Variants in ADAMTS18 observed in about 807,000 individuals in gnomAD.
ADAMTS18 encodes the protein A disintegrin and metalloproteinase with thrombospondin motifs 18.
Under a neutral mutation model 165.9 loss-of-function variants are expected in ADAMTS18, and 157 were observed. The observed-to-expected ratio is 0.95, with a 90% CI of 0.83 to 1.08. The LOEUF is 1.08. Among genes scored for constraint, ADAMTS18 ranks in the 50% least tolerant of loss-of-function variants. The pLI is 0.00. For synonymous variants in ADAMTS18, 782 were observed against 578.2 expected (o/e 1.35, Z -5.06); for missense variants, 2,040 against 1,534.0 (o/e 1.33, Z -5.51).
intron 3 of ADAMTS18, among the ~76,000 whole-genome samples, chr16:77,405,342 C>A (rs2057380615): frequency 6.6e-6 from 1 of 152,160 alleles, no homozygotes; most frequent in Admixed American, 6.5e-5. Context: ...GAACAGCTTG[C>A]AATGTCCAAT....
chr16:77,288,626 T>G (rs1468148452), intron 22 of ADAMTS18, among the ~76,000 whole-genome samples: 2 of 152,222 alleles, frequency 1.3e-5, no homozygotes, highest in African/African-American at 4.8e-5. Context: ...CTATTACTTT[T>G]GATTTCTGAA....
Position 77,291,261 on chromosome 16 carries a change from C to T in ADAMTS18, c.3402+5G>A, listed in dbSNP as rs775163532. On this transcript the variant is annotated splice_donor_5th_base_variant and intron_variant, in intron 21 of 22. Transcript: ENST00000282849. Reference sequence around the variant, plus strand: ...TAGACACCTCCTCAATCGGCCTGTACCCACCTGCTGCCACGGCAATGAATA... The same window carrying T: ...TAGACACCTCCTCAATCGGCCTGTATCCACCTGCTGCCACGGCAATGAATA... 6.2e-7 allele frequency: 1 copy of T among 1,613,862 alleles called. No homozygotes were observed. The highest frequency in any genetic ancestry group is 1.7e-5 in the Admixed American group (1 of 60,034).
chr16:77,424,169 C>T (rs368916399), intron 3 of ADAMTS18, among the ~76,000 whole-genome samples: 1 of 150,812 alleles, frequency 6.6e-6, no homozygotes, highest in East Asian at 1.9e-4. Context: ...TGGTCATACC[C>T]GAAAAGGCAG....
intron 3 of ADAMTS18, among the ~76,000 whole-genome samples, chr16:77,411,864 T>C (rs926039370): frequency 8.6e-5 from 13 of 151,796 alleles, no homozygotes; most frequent in African/African-American, 3.1e-4. Flanking sequence ...TTTTTTGGTA[T>C]TTTTAATAGA....
At chr16:77,348,956 G>A (rs1313223017) in intron 10 of ADAMTS18, among the ~76,000 whole-genome samples, 1 of 152,202 alleles carries the variant, frequency 6.6e-6, no homozygotes, top group Non-Finnish European at 1.5e-5. Flanking sequence ...TGTAGACACG[G>A]AAAAGGAAAT....
Position 77,362,200 on chromosome 16 carries a change from G to T in ADAMTS18, c.1121C>A (p.Ala374Asp), listed in dbSNP as rs748525983. The T allele has an allele frequency of 5.6e-6, 9 of 1,613,912 alleles. No individual in the cohort carries two copies. The highest frequency in any genetic ancestry group is 7.6e-6 in the Non-Finnish European group (9 of 1,179,992). The change falls in exon 7 of 23, where the codon GCC becomes GAC. Residue 374 changes from alanine (A) to aspartate (D), a missense_variant. By Grantham distance (126) the Ala-to-Asp change is moderately radical (BLOSUM62 -2). Coordinates refer to ENST00000282849, the MANE Select transcript of ADAMTS18 (RefSeq NM_199355.4). ...SLNSFCQWQS[A>D]LIGKNGKRHD... ...TCTCTTGCCATTCTTTCCAATGAGG[G>T]CAGACTGCCATTGACAAAAACTATT...
At chr16:77,367,210 T>G (rs1463599333) in intron 4 of ADAMTS18, among the ~76,000 whole-genome samples, 3 of 152,158 alleles carry the variant, frequency 2.0e-5, no homozygotes, top group African/African-American at 7.2e-5. Flanking sequence ...GGCATGAAAG[T>G]AGGAGATACT....
At chr16:77,373,578 G>C (rs2056907707) in intron 3 of ADAMTS18, among the ~76,000 whole-genome samples, 1 of 152,110 alleles carries the variant, frequency 6.6e-6, no homozygotes, top group African/African-American at 2.4e-5. Context: ...TAGGAGTGGA[G>C]ATGAGGGATA....
At chr16:77,367,332 G>T in intron 4 of ADAMTS18, 109 bp downstream of exon 4, 1 of 1,218,712 alleles carries the variant, frequency 8.2e-7, no homozygotes, top group Non-Finnish European at 1.2e-6. Context: ...CAAGACAGAT[G>T]CTCAGGGTAG....
chr16:77,361,204 CTGTGGCCTGCA>C lies in ADAMTS18; in HGVS notation c.1216+890_1216+900del, dbSNP rs556195648. ...TGAAATGACTAGCTGCCACAGAGACCTGTGGCCTGCATAGCTTAACATATTGACTGTCTGGC... is the reference window on the plus strand; with the variant it reads ...TGAAATGACTAGCTGCCACAGAGACCTAGCTTAACATATTGACTGTCTGGC... On this transcript the variant is annotated intron_variant, in intron 7 of 22. Transcript: ENST00000282849. Among the ~76,000 whole-genome samples the C allele has an allele frequency of 4.7e-3, 719 of 152,304 alleles. 9 individuals carry two copies. The highest frequency in any genetic ancestry group is 0.017 in the African/African-American group (698 of 41,558).
intron 3 of ADAMTS18, among the ~76,000 whole-genome samples, chr16:77,372,252 A>G (rs2056886939): frequency 6.6e-6 from 1 of 152,232 alleles, no homozygotes; most frequent in South Asian, 2.1e-4. Context: ...ATGATCCAGC[A>G]ATCCCACTAC....
intron 3 of ADAMTS18, among the ~76,000 whole-genome samples, chr16:77,393,164 G>A (rs1179638790): frequency 6.6e-6 from 1 of 152,188 alleles, no homozygotes; most frequent in African/African-American, 2.4e-5. Flanking sequence ...CAGATGTCCA[G>A]AGCAGAACAT....
intron 3 of ADAMTS18, among the ~76,000 whole-genome samples, chr16:77,369,126 T>C (rs2056840772): frequency 6.6e-6 from 1 of 152,236 alleles, no homozygotes. Flanking sequence ...CCAAACCTGC[T>C]GGATCAAAGT....
At chr16:77,305,340 T>A (rs1234289702) in intron 16 of ADAMTS18, among the ~76,000 whole-genome samples, 2 of 152,064 alleles carry the variant, frequency 1.3e-5, no homozygotes, top group East Asian at 3.8e-4. Flanking sequence ...TGGGAAAGTT[T>A]CTCTTTCACC....
intron 17 of ADAMTS18, 167 bp downstream of exon 17, chr16:77,300,096 G>A (rs2055551716): frequency 2.6e-6 from 2 of 771,960 alleles, no homozygotes; most frequent in Non-Finnish European, 4.1e-6. Context: ...TTACCACATA[G>A]GAAAACCCTT....
chr16:77,321,494 G>C (rs1376721145), intron 14 of ADAMTS18, among the ~76,000 whole-genome samples: 2 of 152,120 alleles, frequency 1.3e-5, no homozygotes, highest in East Asian at 3.9e-4. Flanking sequence ...ATTCAGGCCA[G>C]CTGTGTAACT....
At chr16:77,375,078 G>A (rs1549666) in intron 3 of ADAMTS18, among the ~76,000 whole-genome samples, 43,883 of 151,838 alleles carry the variant, frequency 0.29, 7,156 homozygotes, top group East Asian at 0.57. Flanking sequence ...AGTCTGGCTT[G>A]GTAACAGTGA....
At chr16:77,289,110 C>A (rs970957342) in intron 22 of ADAMTS18, among the ~76,000 whole-genome samples, 154 bp downstream of exon 22, 5 of 152,174 alleles carry the variant, frequency 3.3e-5, no homozygotes, top group Non-Finnish European at 7.3e-5. Context: ...AGAGTGGTGC[C>A]TTATACAACT....
At chr16:77,327,637 A>AT (rs1355512746) in intron 12 of ADAMTS18, among the ~76,000 whole-genome samples, 1 of 152,212 alleles carries the variant, frequency 6.6e-6, no homozygotes, top group African/African-American at 2.4e-5. Flanking sequence ...CTGAAGGGAT[A>AT]TTCCTGACCC....
Sources: gnomAD v4.1 joint callset for allele counts (sites outside exome capture counted in the v4.1 genomes callset) on GRCh38, gnomAD v4.1.1 for gene constraint, MANE v1.5 for transcripts, NCBI Gene and HGNC (gene_info 2026-07-23, HGNC 2026-07-21) for gene names.